ADAMTS18: variants seen among roughly 807,000 people sequenced by gnomAD.
The protein encoded by ADAMTS18 is A disintegrin and metalloproteinase with thrombospondin motifs 18.
A neutral mutation model predicts 165.9 loss-of-function variants in ADAMTS18; 157 were observed. That is an observed-to-expected ratio of 0.95 (90% CI 0.83 to 1.08). ADAMTS18 has a LOEUF of 1.08. Among genes scored for constraint, ADAMTS18 ranks in the 50% least tolerant of loss-of-function variants. The pLI, the probability that ADAMTS18 is intolerant of heterozygous loss-of-function variation, is 0.00. For missense variants in ADAMTS18, 2,040 were observed against 1,534.0 expected, an observed-to-expected ratio of 1.33 and a Z score of -5.51; for synonymous variants, 782 against 578.2, an observed-to-expected ratio of 1.35 and a Z score of -5.06.
chr16:77,282,862 CAGAT>C lies in ADAMTS18; in HGVS notation c.*1090_*1093del, dbSNP rs1197176863. ...TATTAATATTAACATAGCAAGAAGACAGATGGATTTTTTTATTACCACTGTTTAC... is the reference window on the plus strand; with the variant it reads ...TATTAATATTAACATAGCAAGAAGACGGATTTTTTTATTACCACTGTTTAC... On this transcript the variant is annotated 3_prime_UTR_variant, in exon 23 of 23. Transcript: ENST00000282849. The C allele has an allele frequency of 6.7e-6, 1 of 148,346 alleles. No individual in the cohort carries two copies. Among genetic ancestry groups the C allele is most frequent in the Non-Finnish European group, 1.5e-5 (1 of 67,320 alleles). The allele number at this position is 148,346 out of a possible 1,614,324, so 9.2% of individuals were successfully genotyped here.
chr16:77,297,423 G>T lies in ADAMTS18; in HGVS notation c.2675-8C>A. The T allele has an allele frequency of 1.2e-6, 2 of 1,610,212 alleles. No homozygotes were observed. The highest frequency in any genetic ancestry group is 1.7e-5 in the Admixed American group (1 of 60,002). ...CCTTTACATTTATGTAACCTGGTAAGACATCAGAAGTGACAAAGTGAAAAT... is the reference window on the plus strand; with the variant it reads ...CCTTTACATTTATGTAACCTGGTAATACATCAGAAGTGACAAAGTGAAAAT... On this transcript the variant is annotated splice_polypyrimidine_tract_variant and splice_region_variant and intron_variant, in intron 17 of 22. Transcript: ENST00000282849.
chr16:77,381,811 A>T (rs1242116439), intron 3 of ADAMTS18, among the ~76,000 whole-genome samples: 1 of 152,144 alleles, frequency 6.6e-6, no homozygotes, highest in Non-Finnish European at 1.5e-5. Flanking sequence ...CAAAAAAATA[A>T]ATAATAAATA....
chr16:77,296,541 T>C (rs2055475964), intron 18 of ADAMTS18, among the ~76,000 whole-genome samples: 1 of 152,180 alleles, frequency 6.6e-6, no homozygotes. Context: ...GGAATCCCTA[T>C]GCAAAGGTTA....
chr16:77,426,512 T>C (rs2057675101), intron 3 of ADAMTS18, among the ~76,000 whole-genome samples: 1 of 152,200 alleles, frequency 6.6e-6, no homozygotes, highest in African/African-American at 2.4e-5. Flanking sequence ...CTCCCCACTT[T>C]TCTAAAACCA....
At chr16:77,346,369 T>G (rs2056476693) in intron 10 of ADAMTS18, among the ~76,000 whole-genome samples, 1 of 152,180 alleles carries the variant, frequency 6.6e-6, no homozygotes, top group Non-Finnish European at 1.5e-5. Flanking sequence ...CAAAGTAGGC[T>G]TCAGTAAATC....
At chr16:77,312,299 C>T (rs533683563) in intron 16 of ADAMTS18, among the ~76,000 whole-genome samples, 67 of 151,862 alleles carry the variant, frequency 4.4e-4, no homozygotes, top group African/African-American at 1.5e-3. Context: ...TGCAATGGCA[C>T]GGTCTTGGCT....
intron 16 of ADAMTS18, among the ~76,000 whole-genome samples, chr16:77,314,006 C>A (rs2055833467): frequency 2.0e-5 from 3 of 152,124 alleles, no homozygotes; most frequent in Admixed American, 1.3e-4. Context: ...CCAAACTATC[C>A]TGGCCATAGT....
At chr16:77,368,011 A>G (rs1468523495) in intron 3 of ADAMTS18, among the ~76,000 whole-genome samples, 65 of 152,062 alleles carry the variant, frequency 4.3e-4, no homozygotes, top group Admixed American at 4.3e-3. Context: ...GGAGTAGCTG[A>G]GACTACAGGC....
In ADAMTS18 at chr16:77,289,273, C is replaced by T. The variant is rs1265215255; in HGVS notation, c.3541G>A (p.Glu1181Lys). 17 of 1,613,966 alleles carry T rather than the reference C, an allele frequency of 1.1e-5. No homozygotes were observed. The South Asian group carries it at 1.6e-4, about 16-fold the overall frequency. ...ACNTNFCPAP[E>K]KREDPSCVDF... ...CATGGTGCCTTTTTACCTCTCTTTT[C>T]AGGAGCTGGACAGAAGTTTGTATTA... The change falls in exon 22 of 23, where the codon GAA (glutamate) becomes AAA (lysine). Residue 1181 changes from glutamate (E) to lysine (K), a missense_variant. Glu to Lys is a moderately conservative substitution (Grantham distance 56). Coordinates refer to ENST00000282849, the MANE Select transcript of ADAMTS18 (RefSeq NM_199355.4).
chr16:77,412,200 C>T (rs548145323), intron 3 of ADAMTS18, among the ~76,000 whole-genome samples: 15 of 152,294 alleles, frequency 9.8e-5, no homozygotes, highest in African/African-American at 3.6e-4. Flanking sequence ...CTGGGATATG[C>T]ATCTTCTGCT....
intron 3 of ADAMTS18, among the ~76,000 whole-genome samples, chr16:77,382,782 C>T (rs887210499): frequency 3.9e-5 from 6 of 152,192 alleles, no homozygotes; most frequent in South Asian, 2.1e-4. Context: ...GGAAACCAGA[C>T]TTTCCATGAA....
chr16:77,335,992 A>G, intron 11 of ADAMTS18, 88 bp from the exon 12 acceptor site: 1 of 1,526,036 alleles, frequency 6.6e-7, no homozygotes, highest in East Asian at 2.3e-5. Flanking sequence ...TAACAGGAAA[A>G]ACAGGTCTGT....
At chr16:77,358,960 C>T (rs1307824850) in intron 8 of ADAMTS18, among the ~76,000 whole-genome samples, 1 of 152,098 alleles carries the variant, frequency 6.6e-6, no homozygotes, top group African/African-American at 2.4e-5. Flanking sequence ...AAGCAGCATG[C>T]CATTATACTT....
At chr16:77,324,343 C>A (rs1222999970) in intron 13 of ADAMTS18, among the ~76,000 whole-genome samples, 1 of 152,246 alleles carries the variant, frequency 6.6e-6, no homozygotes, top group African/African-American at 2.4e-5. Flanking sequence ...AATCACTCAG[C>A]TCCTGGTAGA....
At chr16:77,388,451 A>G (rs548104447) in intron 3 of ADAMTS18, among the ~76,000 whole-genome samples, 2 of 152,270 alleles carry the variant, frequency 1.3e-5, no homozygotes, top group East Asian at 3.9e-4. Context: ...TTAAGTCATA[A>G]TATCAGAAAA....
intron 16 of ADAMTS18, among the ~76,000 whole-genome samples, chr16:77,306,915 A>T (rs1275904625): frequency 6.6e-6 from 1 of 152,162 alleles, no homozygotes; most frequent in African/African-American, 2.4e-5. Flanking sequence ...CACTCTCACA[A>T]CATTGCCTCT....
chr16:77,311,463 C>T (rs2055779036), intron 16 of ADAMTS18, among the ~76,000 whole-genome samples: 1 of 152,122 alleles, frequency 6.6e-6, no homozygotes, highest in Admixed American at 6.6e-5. Flanking sequence ...AGCCATGGAT[C>T]ACTTGGATAT....
At chr16:77,358,547 C>T (rs550175345) in intron 8 of ADAMTS18, among the ~76,000 whole-genome samples, 59 of 152,042 alleles carry the variant, frequency 3.9e-4, no homozygotes, top group East Asian at 7.7e-4. Flanking sequence ...GGGCGACAGA[C>T]GGAGACTCTG....
chr16:77,430,062 A>G (rs558211768), intron 3 of ADAMTS18, among the ~76,000 whole-genome samples: 2 of 152,304 alleles, frequency 1.3e-5, no homozygotes, highest in East Asian at 3.9e-4. Flanking sequence ...TGGGTTGTGT[A>G]AACTCCTCCT....
Sources: gnomAD v4.1 joint callset for allele counts (sites outside exome capture counted in the v4.1 genomes callset) on GRCh38, gnomAD v4.1.1 for gene constraint, MANE v1.5 for transcripts, NCBI Gene and HGNC (gene_info 2026-07-23, HGNC 2026-07-21) for gene names.